Variants in MAN2B2 observed in about 807,000 individuals in gnomAD.
MAN2B2 encodes epididymis-specific alpha-mannosidase.
In MAN2B2, 106 loss-of-function variants were observed where a neutral mutation model predicts 117.1. That is an observed-to-expected ratio of 0.90 (90% CI 0.77 to 1.06). MAN2B2 has a LOEUF of 1.06. Ranked by LOEUF, MAN2B2 falls within the 50% of genes least tolerant of loss-of-function variation. MAN2B2 has a pLI of 0.00. For synonymous variants in MAN2B2, 544 were observed against 595.1 expected, an observed-to-expected ratio of 0.91 and a Z score of 1.25; for missense variants, 1,326 against 1,381.4, an observed-to-expected ratio of 0.96 and a Z score of 0.64.
At chr4:6,609,406 C>T (rs980837801) in intron 12 of MAN2B2, 108 bp downstream of exon 12, 13 of 1,101,464 alleles carry the variant, frequency 1.2e-5, no homozygotes, top group African/African-American at 6.3e-5. Context: ...GCTTCCGGGC[C>T]GTGGTTGACA....
intron 17 of MAN2B2, 77 bp from the exon 18 acceptor site, chr4:6,619,850 C>T: frequency 7.5e-7 from 1 of 1,329,884 alleles, no homozygotes. Flanking sequence ...GGTGTGTCTG[C>T]CCTGCTGCTG....
At chr4:6,595,768 A>G (rs1402829646) in intron 7 of MAN2B2, among the ~76,000 whole-genome samples, 1 of 152,214 alleles carries the variant, frequency 6.6e-6, no homozygotes, top group African/African-American at 2.4e-5. Flanking sequence ...AAGAGATGCC[A>G]CAGATGAACT....
At chr4:6,608,989 G>A (rs1727651205) in intron 11 of MAN2B2, 118 bp from the exon 12 acceptor site, 3 of 864,896 alleles carry the variant, frequency 3.5e-6, no homozygotes, top group Non-Finnish European at 5.3e-6. Flanking sequence ...GAGTCACATG[G>A]CCTCGTGAGT....
intron 1 of MAN2B2, 52 bp from the exon 2 acceptor site, chr4:6,576,526 G>A: frequency 3.8e-6 from 6 of 1,590,114 alleles, no homozygotes; most frequent in Admixed American, 1.7e-5. Context: ...GGGGCCCCAG[G>A]GACACTTGGT....
chr4:6,609,346 C>T (rs376967917), intron 12 of MAN2B2, 48 bp downstream of exon 12: 79 of 1,561,532 alleles, frequency 5.1e-5, no homozygotes, highest in African/African-American at 3.1e-4. Context: ...AGTCAGCGCA[C>T]GCGTGCAGGC....
At chr4:6,615,675 C>G (rs978110177) in intron 16 of MAN2B2, among the ~76,000 whole-genome samples, 2 of 152,142 alleles carry the variant, frequency 1.3e-5, no homozygotes, top group South Asian at 4.1e-4. Flanking sequence ...TGATGCTTGC[C>G]TGTGGTCCCA....
chr4:6,593,796 C>T (rs1446227274), intron 6 of MAN2B2, among the ~76,000 whole-genome samples: 2 of 152,254 alleles, frequency 1.3e-5, no homozygotes, highest in Non-Finnish European at 2.9e-5. Flanking sequence ...GTGCTGGGCA[C>T]TGCCCCGTGG....
At chr4:6,602,167 C>T (rs753266785) in intron 10 of MAN2B2, among the ~76,000 whole-genome samples, 2 of 152,264 alleles carry the variant, frequency 1.3e-5, no homozygotes, top group Admixed American at 1.3e-4. Flanking sequence ...CCTTCCCCTG[C>T]ACCCAGGCCT....
chr4:6,592,478 G>A (rs1467163449), intron 5 of MAN2B2, among the ~76,000 whole-genome samples: 1 of 152,138 alleles, frequency 6.6e-6, no homozygotes, highest in Non-Finnish European at 1.5e-5. Context: ...AACAAGTCGA[G>A]CATGGTGGTA....
chr4:6,619,006 A>C (rs1392187417), intron 17 of MAN2B2: 1 of 152,366 alleles, frequency 6.6e-6, no homozygotes, highest in African/African-American at 2.4e-5. Flanking sequence ...GAAGTTGGTC[A>C]TCTGATGCTC....
rs1321006599 is a variant in MAN2B2 at position 6,598,233 on chromosome 4, C to T, written c.1284C>T (p.Ser428=). The T allele has an allele frequency of 6.8e-6, 11 of 1,613,590 alleles. No individual in the cohort carries two copies. Among genetic ancestry groups the T allele is most frequent in the African/African-American group, 1.3e-5 (1 of 74,922 alleles). ...ATGATGCCATCACTGGGACTGAGTC[C>T]CCCAAGGTGAGAGACATGTACGCAA... The part of the protein sequence containing the change: ...QHHDAITGTE[S]PKVRDMYATH... The change falls in exon 9 of 19, where the codon TCC becomes TCT. Residue 428 remains serine (S), a synonymous_variant. Coordinates refer to ENST00000285599, the MANE Select transcript of MAN2B2 (RefSeq NM_015274.3).
chr4:6,581,908 A>T (rs920579079), intron 3 of MAN2B2, among the ~76,000 whole-genome samples: 4 of 152,080 alleles, frequency 2.6e-5, no homozygotes, highest in Admixed American at 2.6e-4. Context: ...TGAGGGGAAA[A>T]GCATTTGTTC....
In MAN2B2 at chr4:6,620,054, C is replaced by A; in HGVS notation, c.2932+10C>A. On this transcript the variant is annotated intron_variant, in intron 18 of 18. Transcript: ENST00000285599. ...CCTGGCCGCCACAGAGGTTTGGGGA[C>A]CCCCGCTTCAGCTCCCTACCCAGGA... is the stretch of plus-strand genomic sequence containing the variant. The A allele has an allele frequency of 6.2e-7, 1 of 1,602,214 alleles. No homozygotes were observed. Among genetic ancestry groups the A allele is most frequent in the Non-Finnish European group, 8.5e-7 (1 of 1,174,378 alleles).
chr4:6,614,659 C>G (rs941434043), intron 16 of MAN2B2, among the ~76,000 whole-genome samples: 2 of 152,226 alleles, frequency 1.3e-5, no homozygotes, highest in Middle Eastern at 3.2e-3. Context: ...CCCTGACCCC[C>G]AGGTTGCCTG....
intron 3 of MAN2B2, among the ~76,000 whole-genome samples, chr4:6,579,268 C>T (rs1317638212): frequency 2.7e-5 from 3 of 112,370 alleles, no homozygotes; most frequent in Non-Finnish European, 3.9e-5. Flanking sequence ...ACCACCACCA[C>T]CATCACCACC....
Position 6,622,989 on chromosome 4 carries a change from G to A in MAN2B2, c.*1704G>A, listed in dbSNP as rs1712237187. On this transcript the variant is annotated 3_prime_UTR_variant, in exon 19 of 19. Transcript: ENST00000285599. The stretch of plus-strand genomic sequence containing the variant: ...CACCAGAGGCATGGATGTGCAGTGG[G>A]AGGTTGAGGCACAAGGAGTGAGGCA... The A allele has an allele frequency of 6.6e-6, 1 of 152,174 alleles. No individual in the cohort carries two copies. The highest frequency in any genetic ancestry group is 2.4e-5 in the African/African-American group (1 of 40,966). 9.4% of individuals were successfully genotyped at this position (152,174 alleles called of 1,614,324 possible).
intron 15 of MAN2B2, 81 bp from the exon 16 acceptor site, chr4:6,614,137 A>G: frequency 6.5e-7 from 1 of 1,532,380 alleles, no homozygotes; most frequent in Non-Finnish European, 8.9e-7. Context: ...GGGCAGGGGC[A>G]TGTAATGTGC....
chr4:6,616,287 C>G (rs1351513888), intron 16 of MAN2B2, among the ~76,000 whole-genome samples: 2 of 152,208 alleles, frequency 1.3e-5, no homozygotes, highest in Non-Finnish European at 2.9e-5. Context: ...GTCTTCCCAT[C>G]TGTAAAACGG....
At chr4:6,594,342 G>A (rs937409132) in intron 6 of MAN2B2, among the ~76,000 whole-genome samples, 192 bp from the exon 7 acceptor site, 9 of 151,984 alleles carry the variant, frequency 5.9e-5, no homozygotes, top group African/African-American at 1.2e-4. Flanking sequence ...TGAGGCAGAA[G>A]AATCACTTGA....
Sources: gnomAD v4.1 joint callset for allele counts (sites outside exome capture counted in the v4.1 genomes callset) on GRCh38, gnomAD v4.1.1 for gene constraint, MANE v1.5 for transcripts, NCBI Gene and HGNC (gene_info 2026-07-23, HGNC 2026-07-21) for gene names.